Variants in TAFA1 observed in about 807,000 individuals in gnomAD.
The protein encoded by TAFA1 is chemokine-like protein TAFA-1.
TAFA1 carries 4 observed loss-of-function variants against 18.5 expected under a neutral mutation model. The observed-to-expected ratio is 0.22, with a 90% confidence interval of 0.11 to 0.49. The LOEUF (loss-of-function observed/expected upper bound fraction) is 0.49, where lower values mean the gene tolerates loss of function less well. TAFA1 is among the 20% of genes least tolerant of loss of function. The probability of loss-of-function intolerance (pLI) is 0.98; values close to 1 mark genes in which losing one functional copy is unlikely to be tolerated. For synonymous variants in TAFA1, 56 were observed against 55.2 expected, an observed-to-expected ratio of 1.01 and a Z score of -0.06; for missense variants, 147 against 169.0, an observed-to-expected ratio of 0.87 and a Z score of 0.72.
At chr3:68,110,164 T>C (rs2065247778) in intron 2 of TAFA1, among the ~76,000 whole-genome samples, 1 of 152,090 alleles carries the variant, frequency 6.6e-6, no homozygotes, top group African/African-American at 2.4e-5. Context: ...TGGGTGTTGT[T>C]TCCCCTACCA....
intron 3 of TAFA1, among the ~76,000 whole-genome samples, chr3:68,522,167 A>C: frequency 6.6e-6 from 1 of 151,914 alleles, no homozygotes; most frequent in Non-Finnish European, 1.5e-5. Flanking sequence ...GTTATTTATA[A>C]ATTTTTCTAG....
intron 2 of TAFA1, among the ~76,000 whole-genome samples, chr3:68,407,874 A>G (rs2070640961): frequency 6.6e-6 from 1 of 152,158 alleles, no homozygotes; most frequent in Non-Finnish European, 1.5e-5. Flanking sequence ...AATCTCAAGC[A>G]TAAACAAATC....
chr3:68,430,064 C>A (rs552456148), intron 3 of TAFA1, among the ~76,000 whole-genome samples: 68 of 152,006 alleles, frequency 4.5e-4, no homozygotes, highest in Admixed American at 1.9e-3. Flanking sequence ...TGTCATGGAA[C>A]CTACAGTCCA....
intron 2 of TAFA1, among the ~76,000 whole-genome samples, chr3:68,404,423 A>C (rs2070556893): frequency 6.6e-6 from 1 of 152,222 alleles, no homozygotes; most frequent in South Asian, 2.1e-4. Context: ...CAGTTTATTT[A>C]GGAGGTGGTT....
At chr3:68,502,151 T>C (rs949197774) in intron 3 of TAFA1, among the ~76,000 whole-genome samples, 14 of 152,178 alleles carry the variant, frequency 9.2e-5, no homozygotes, top group African/African-American at 3.4e-4. Flanking sequence ...TGCTCTCTTA[T>C]ATTAAATGAG....
chr3:68,158,849 A>G (rs1450535893), intron 2 of TAFA1, among the ~76,000 whole-genome samples: 1 of 152,246 alleles, frequency 6.6e-6, no homozygotes, highest in Non-Finnish European at 1.5e-5. Context: ...CATTTTGCAT[A>G]TACTGAAATA....
At chr3:68,013,903 C>T (rs1704522059) in intron 2 of TAFA1, among the ~76,000 whole-genome samples, 1 of 152,136 alleles carries the variant, frequency 6.6e-6, no homozygotes, top group Non-Finnish European at 1.5e-5. Flanking sequence ...ATTCATTAAG[C>T]AGATCTTTCT....
At chr3:68,066,265 A>G (rs1258335973) in intron 2 of TAFA1, among the ~76,000 whole-genome samples, 1 of 152,014 alleles carries the variant, frequency 6.6e-6, no homozygotes, top group Non-Finnish European at 1.5e-5. Context: ...TTGTTTGTTT[A>G]CTCTTTTTTT....
At chr3:68,270,375 C>T (rs902417249) in intron 2 of TAFA1, among the ~76,000 whole-genome samples, 1 of 152,032 alleles carries the variant, frequency 6.6e-6, no homozygotes, top group African/African-American at 2.4e-5. Context: ...GTGTTTGTGT[C>T]CAGAAGAAGA....
At chr3:68,436,035 A>G (rs1222467497) in intron 3 of TAFA1, among the ~76,000 whole-genome samples, 1 of 152,190 alleles carries the variant, frequency 6.6e-6, no homozygotes, top group Non-Finnish European at 1.5e-5. Flanking sequence ...ATACTAAGGG[A>G]TAACCAGAGT....
chr3:68,064,909 A>C (rs2064654819), intron 2 of TAFA1, among the ~76,000 whole-genome samples: 2 of 152,076 alleles, frequency 1.3e-5, no homozygotes, highest in South Asian at 4.1e-4. Context: ...TTTTGAGAAA[A>C]AAATAAACTA....
At chr3:68,514,660 T>A (rs1460635181) in intron 3 of TAFA1, among the ~76,000 whole-genome samples, 1 of 150,174 alleles carries the variant, frequency 6.7e-6, no homozygotes, top group Non-Finnish European at 1.5e-5. Flanking sequence ...GCCTCAGTAG[T>A]AATAAAAATG....
intron 3 of TAFA1, among the ~76,000 whole-genome samples, chr3:68,493,846 G>A (rs921621916): frequency 2.6e-5 from 4 of 152,184 alleles, no homozygotes; most frequent in Non-Finnish European, 5.9e-5. Context: ...GAGGCTTCAT[G>A]CACAGTGGGG....
intron 3 of TAFA1, among the ~76,000 whole-genome samples, chr3:68,421,366 T>C (rs1463216784): frequency 1.3e-5 from 2 of 152,162 alleles, no homozygotes; most frequent in Admixed American, 6.6e-5. Context: ...CTTCAATCCA[T>C]TGGCATGTAT....
intron 2 of TAFA1, among the ~76,000 whole-genome samples, chr3:68,292,438 CAAAACA>C (rs1311471930): frequency 3.3e-5 from 5 of 150,840 alleles, no homozygotes; most frequent in Non-Finnish European, 7.4e-5. Context: ...AAAAAAAACC[CAAAACA>C]AAAACAAAAA....
intron 2 of TAFA1, among the ~76,000 whole-genome samples, chr3:68,317,459 A>G (rs1559614477): frequency 6.6e-6 from 1 of 152,230 alleles, no homozygotes; most frequent in Non-Finnish European, 1.5e-5. Context: ...CAGAAGGTAA[A>G]GAGACCTGGT....
chr3:68,039,575 A>G (rs772463644), intron 2 of TAFA1, among the ~76,000 whole-genome samples: 4 of 152,174 alleles, frequency 2.6e-5, no homozygotes, highest in Non-Finnish European at 5.9e-5. Context: ...ATTGTGTAGC[A>G]TTTCATCTTA....
intron 2 of TAFA1, among the ~76,000 whole-genome samples, chr3:68,010,750 A>C (rs1047118697): frequency 1.3e-5 from 2 of 152,188 alleles, no homozygotes; most frequent in Admixed American, 1.3e-4. Context: ...AGATTAACAG[A>C]TTTGTAATTT....
intron 2 of TAFA1, among the ~76,000 whole-genome samples, chr3:68,182,418 C>T (rs949102649): frequency 6.6e-6 from 1 of 152,104 alleles, no homozygotes; most frequent in Admixed American, 6.5e-5. Context: ...GTGCCGTCAG[C>T]TTCTGGGGTG....
Sources: gnomAD v4.1 joint callset for allele counts (sites outside exome capture counted in the v4.1 genomes callset) on GRCh38, gnomAD v4.1.1 for gene constraint, MANE v1.5 for transcripts, NCBI Gene and HGNC (gene_info 2026-07-23, HGNC 2026-07-21) for gene names.